Variants in HDAC9 observed in about 807,000 individuals in gnomAD.
HDAC9 encodes the protein histone deacetylase 9.
Under a neutral mutation model 139.4 loss-of-function variants are expected in HDAC9, and 41 were observed. That is an observed-to-expected ratio of 0.29 (90% CI 0.23 to 0.38). The LOEUF (loss-of-function observed/expected upper bound fraction) is 0.38. Among genes scored for constraint, HDAC9 ranks in the 10% least tolerant of loss-of-function variants. The probability of loss-of-function intolerance (pLI) is 1.00; values close to 1 mark genes in which losing one functional copy is unlikely to be tolerated. For missense variants in HDAC9, 1,147 were observed against 1,297.0 expected (o/e 0.88, Z 1.78); for synonymous variants, 517 against 476.2 (o/e 1.09, Z -1.12).
intron 1 of HDAC9, among the ~76,000 whole-genome samples, chr7:18,331,300 CT>C (rs1258888884): frequency 6.6e-6 from 1 of 151,526 alleles, no homozygotes; most frequent in Non-Finnish European, 1.5e-5. Flanking sequence ...GCCTAATTAT[CT>C]TTTACTTTTG....
At chr7:18,759,931 G>A (rs1789233427) in intron 14 of HDAC9, among the ~76,000 whole-genome samples, 1 of 152,046 alleles carries the variant, frequency 6.6e-6, no homozygotes, top group South Asian at 2.1e-4. Flanking sequence ...ATGTTATACC[G>A]GAAGTAAAAA....
In HDAC9 at chr7:18,954,133, A is replaced by G. The variant is rs752403607; in HGVS notation, c.2938-13A>G. ...TAATATTCTGCTCATACTATTATCT[A>G]CTATTCTTGCAGCTGGAGCCACTTG... On this transcript the variant is annotated splice_polypyrimidine_tract_variant and intron_variant, in intron 23 of 25. Coordinates refer to ENST00000686413, the MANE Select transcript of HDAC9 (RefSeq NM_178425.4). 3 of 1,527,012 alleles carry G rather than the reference A, an allele frequency of 2.0e-6. No individual in the cohort carries two copies. Among genetic ancestry groups the G allele is most frequent in the Middle Eastern group, 1.7e-4 (1 of 5,914 alleles). The allele number at this position is 1,527,012 out of a possible 1,614,324, so 94.6% of individuals were successfully genotyped here.
At chr7:18,578,959 A>T (rs765270976) in intron 2 of HDAC9, among the ~76,000 whole-genome samples, 1 of 152,224 alleles carries the variant, frequency 6.6e-6, no homozygotes, top group African/African-American at 2.4e-5. Flanking sequence ...GTATTGCTAT[A>T]GGAAGTTATT....
chr7:18,288,586 G>C (rs948746017), upstream of HDAC9, among the ~76,000 whole-genome samples: 6 of 152,152 alleles, frequency 3.9e-5, no homozygotes, highest in African/African-American at 1.4e-4. Flanking sequence ...GTTCATGCCT[G>C]GAGCACTTTA....
chr7:18,124,497 A>G (rs1784537760), intron 1 of HDAC9, among the ~76,000 whole-genome samples: 1 of 152,208 alleles, frequency 6.6e-6, no homozygotes, highest in South Asian at 2.1e-4. Context: ...CATGGAGGTT[A>G]CAATAGTGAA....
At chr7:18,535,277 T>C (rs551050902) in intron 2 of HDAC9, among the ~76,000 whole-genome samples, 14 of 152,266 alleles carry the variant, frequency 9.2e-5, no homozygotes, top group Non-Finnish European at 1.6e-4. Flanking sequence ...AATCCATCAT[T>C]TTTATTCAGA....
chr7:18,652,219 G>A (rs1197132267), intron 11 of HDAC9, among the ~76,000 whole-genome samples: 1 of 151,984 alleles, frequency 6.6e-6, no homozygotes, highest in Admixed American at 6.6e-5. Context: ...CTTTATACCA[G>A]CATCAAGGGA....
At chr7:18,269,485 C>T (rs565017521) in intron 2 of HDAC9, among the ~76,000 whole-genome samples, 11 of 152,230 alleles carry the variant, frequency 7.2e-5, no homozygotes, top group African/African-American at 2.6e-4. Context: ...GAAGTGTATG[C>T]ACCAGAAAAG....
chr7:18,898,200 A>G (rs1417740131), intron 22 of HDAC9, among the ~76,000 whole-genome samples: 1 of 151,860 alleles, frequency 6.6e-6, no homozygotes, highest in Non-Finnish European at 1.5e-5. Context: ...GGAAGCATTC[A>G]TAGTCTATTA....
intron 22 of HDAC9, among the ~76,000 whole-genome samples, chr7:18,886,610 T>C (rs529468018): frequency 6.6e-6 from 1 of 152,302 alleles, no homozygotes; most frequent in East Asian, 1.9e-4. Flanking sequence ...CATCTTAGAT[T>C]CAATGGAAAA....
chr7:18,343,965 C>G (rs1018702777), intron 1 of HDAC9, among the ~76,000 whole-genome samples: 3 of 151,744 alleles, frequency 2.0e-5, no homozygotes, highest in South Asian at 2.1e-4. Flanking sequence ...CCTTATTTTT[C>G]CAATAACCCA....
intron 1 of HDAC9, among the ~76,000 whole-genome samples, chr7:18,106,739 C>T (rs1005507114): frequency 1.3e-5 from 2 of 152,226 alleles, no homozygotes; most frequent in Non-Finnish European, 2.9e-5. Context: ...CAGGCGTGAG[C>T]CACCGTGGCT....
intron 2 of HDAC9, among the ~76,000 whole-genome samples, chr7:18,164,826 T>C (rs1787893443): frequency 6.6e-6 from 1 of 152,200 alleles, no homozygotes; most frequent in Non-Finnish European, 1.5e-5. Context: ...GGTATTGCTT[T>C]TGGGCACTGA....
At chr7:18,460,526 T>G (rs1381087668) in intron 1 of HDAC9, among the ~76,000 whole-genome samples, 2 of 152,080 alleles carry the variant, frequency 1.3e-5, no homozygotes, top group Non-Finnish European at 2.9e-5. Context: ...GGTTCACGCC[T>G]GTAATCCCAG....
chr7:18,451,363 A>ATGTGTG (rs777175954), intron 1 of HDAC9, among the ~76,000 whole-genome samples: 16 of 71,752 alleles, frequency 2.2e-4, no homozygotes, highest in Admixed American at 1.3e-3. Flanking sequence ...ACACATGTAT[A>ATGTGTG]TGTGCGTGTG....
At chr7:18,871,148 T>G (rs374119312) in intron 21 of HDAC9, among the ~76,000 whole-genome samples, 1 of 152,352 alleles carries the variant, frequency 6.6e-6, no homozygotes, top group East Asian at 1.9e-4. Flanking sequence ...GGTGTTTGAT[T>G]GTTTGGATTA....
In HDAC9 at chr7:18,719,331, C is replaced by CTTTTT. The variant is rs757689693; in HGVS notation, c.1732-8227_1732-8223dup. 8.4e-3 allele frequency among the ~76,000 whole-genome samples: 622 copies of CTTTTT among 73,886 alleles called. 58 individuals are homozygous for CTTTTT. Among genetic ancestry groups the CTTTTT allele is most frequent in the African/African-American group, 0.016 (238 of 15,196 alleles). 48.5% of individuals were successfully genotyped at this position (73,886 alleles called of 152,430 possible). A position where few individuals can be genotyped will look rare whatever the true frequency, so the allele number is the denominator to read the frequency against. ...CTAATTAACCTATTTTTTTCTCTTC[C>CTTTTT]TTTTTTTTTTTTTTTTTTTTTTTTT... On this transcript the variant is annotated intron_variant, in intron 12 of 25. Coordinates refer to ENST00000686413, the MANE Select transcript of HDAC9 (RefSeq NM_178425.4).
intron 1 of HDAC9, among the ~76,000 whole-genome samples, chr7:18,117,479 C>CTT (rs1562637829): frequency 1.3e-5 from 2 of 148,982 alleles, no homozygotes; most frequent in African/African-American, 2.5e-5. Flanking sequence ...GAGCGAGACT[C>CTT]TGTCTCAAAA....
chr7:18,260,807 A>G (rs1036121850), intron 2 of HDAC9, among the ~76,000 whole-genome samples: 1 of 152,212 alleles, frequency 6.6e-6, no homozygotes, highest in African/African-American at 2.4e-5. Context: ...GCATGAATAT[A>G]CAGAATAGGC....
Sources: gnomAD v4.1 joint callset for allele counts (sites outside exome capture counted in the v4.1 genomes callset) on GRCh38, gnomAD v4.1.1 for gene constraint, MANE v1.5 for transcripts, NCBI Gene and HGNC (gene_info 2026-07-23, HGNC 2026-07-21) for gene names.